CNTNAP2: variants seen among roughly 807,000 people sequenced by gnomAD.
The protein encoded by CNTNAP2 is contactin associated protein 2.
CNTNAP2 carries 98 observed loss-of-function variants against 155.2 expected under a neutral mutation model. The observed-to-expected ratio is 0.63, with a 90% CI of 0.54 to 0.75. The LOEUF (loss-of-function observed/expected upper bound fraction) is 0.75. Ranked by LOEUF, CNTNAP2 falls within the 30% of genes least tolerant of loss-of-function variation. The pLI is 0.00. For synonymous variants in CNTNAP2, 651 were observed against 631.2 expected (o/e 1.03, Z -0.47); for missense variants, 1,727 against 1,688.1 (o/e 1.02, Z -0.40).
chr7:147,871,787 C>T (rs910007649), intron 13 of CNTNAP2, among the ~76,000 whole-genome samples: 28 of 151,946 alleles, frequency 1.8e-4, no homozygotes, highest in African/African-American at 5.8e-4. Context: ...GAGTCGTGGC[C>T]GAATAGTTCG....
chr7:147,339,547 C>G (rs898475409), intron 9 of CNTNAP2, among the ~76,000 whole-genome samples: 1 of 152,138 alleles, frequency 6.6e-6, no homozygotes, highest in Non-Finnish European at 1.5e-5. Context: ...ATAAATTACT[C>G]AGCCTCAGGT....
At chr7:146,777,700 A>G (rs1802414146) in intron 2 of CNTNAP2, among the ~76,000 whole-genome samples, 1 of 151,940 alleles carries the variant, frequency 6.6e-6, no homozygotes, top group Admixed American at 6.6e-5. Context: ...AGTAGCTGGG[A>G]TTACAGGAGA....
chr7:148,094,934 C>G (rs949497269), intron 15 of CNTNAP2, among the ~76,000 whole-genome samples: 1 of 152,064 alleles, frequency 6.6e-6, no homozygotes, highest in Non-Finnish European at 1.5e-5. Context: ...GAGAAGAGCA[C>G]AGTGGCATAG....
intron 13 of CNTNAP2, among the ~76,000 whole-genome samples, chr7:147,851,452 G>A (rs370577103): frequency 2.0e-5 from 3 of 151,958 alleles, no homozygotes; most frequent in African/African-American, 2.4e-5. Context: ...AAATCATGCT[G>A]CTATAAAGAC....
chr7:146,468,504 A>C (rs2129126094), intron 1 of CNTNAP2, among the ~76,000 whole-genome samples: 1 of 152,288 alleles, frequency 6.6e-6, no homozygotes, highest in Admixed American at 6.5e-5. Flanking sequence ...AGAGTGTACA[A>C]CCCAGTCTAA....
intron 17 of CNTNAP2, among the ~76,000 whole-genome samples, chr7:148,155,648 G>T (rs1805386349): frequency 6.6e-6 from 1 of 152,170 alleles, no homozygotes; most frequent in South Asian, 2.1e-4. Flanking sequence ...CCATTCCTGG[G>T]TTGTAAAACT....
Position 146,483,285 on chromosome 7 carries a change from ATATATATATATATATATATATATATATAT to A in CNTNAP2, c.98-290985_98-290957del, listed in dbSNP as rs1796998155. Among the ~76,000 whole-genome samples, 106 of 47,218 alleles carry A rather than the reference ATATATATATATATATATATATATATATAT, an allele frequency of 2.2e-3. 11 individuals are homozygous for A. In the East Asian group the frequency reaches 0.027, roughly 12 times the overall value. The allele number at this position is 47,218 out of a possible 152,430, so 31.0% of individuals were successfully genotyped here. A position where few individuals can be genotyped will look rare whatever the true frequency, so the allele number is the denominator to read the frequency against. ...AGCAAGACTCCGTCTAAAAAAAAAT[ATATATATATATATATATATATATATATAT>A]ATATATATATATATACATATATATA... On this transcript the variant is annotated intron_variant, in intron 1 of 23. Coordinates refer to ENST00000361727, the MANE Select transcript of CNTNAP2 (RefSeq NM_014141.6).
chr7:147,488,369 T>A (rs554681809), intron 11 of CNTNAP2, among the ~76,000 whole-genome samples: 5 of 152,320 alleles, frequency 3.3e-5, no homozygotes, highest in African/African-American at 1.2e-4. Context: ...TCTTGCACTT[T>A]GTTCGACTGA....
intron 11 of CNTNAP2, among the ~76,000 whole-genome samples, chr7:147,549,716 G>A (rs1799812999): frequency 6.6e-6 from 1 of 152,172 alleles, no homozygotes; most frequent in Admixed American, 6.5e-5. Context: ...TCTGGTATAA[G>A]GGATGAGTCA....
chr7:146,404,101 G>A (rs1795753399), intron 1 of CNTNAP2, among the ~76,000 whole-genome samples: 1 of 128,298 alleles, frequency 7.8e-6, no homozygotes, highest in Admixed American at 9.2e-5. Context: ...CTCCAGCCTG[G>A]GCGACAGAGC....
chr7:146,338,888 A>G (rs565701187), intron 1 of CNTNAP2, among the ~76,000 whole-genome samples: 1 of 118,994 alleles, frequency 8.4e-6, no homozygotes, highest in Non-Finnish European at 1.6e-5. Context: ...TTTTTTTTTT[A>G]AAAAAGGTTT....
At chr7:146,280,401 T>C (rs1188147399) in intron 1 of CNTNAP2, among the ~76,000 whole-genome samples, 1 of 152,152 alleles carries the variant, frequency 6.6e-6, no homozygotes, top group Non-Finnish European at 1.5e-5. Context: ...GTGTCTGCCC[T>C]TTTTTCACGT....
At chr7:148,353,848 A>G (rs1221704592) in intron 21 of CNTNAP2, among the ~76,000 whole-genome samples, 1 of 152,208 alleles carries the variant, frequency 6.6e-6, no homozygotes, top group Non-Finnish European at 1.5e-5. Context: ...AGTTGATTCA[A>G]AAAGTCAAAA....
At chr7:146,621,226 GAA>G (rs1338976203) in intron 1 of CNTNAP2, among the ~76,000 whole-genome samples, 1 of 152,104 alleles carries the variant, frequency 6.6e-6, no homozygotes, top group Non-Finnish European at 1.5e-5. Flanking sequence ...TAGATTTACA[GAA>G]AAGTTGGGGA....
intron 1 of CNTNAP2, among the ~76,000 whole-genome samples, chr7:146,371,365 G>GTTTT (rs58066282): frequency 0.05 from 4,960 of 98,476 alleles, 600 homozygotes; most frequent in African/African-American, 0.13. Flanking sequence ...GCCAGTATTA[G>GTTTT]TTTTTTTTTT....
intron 3 of CNTNAP2, among the ~76,000 whole-genome samples, chr7:146,988,029 G>T (rs1276844201): frequency 1.3e-5 from 2 of 151,960 alleles, no homozygotes; most frequent in Admixed American, 6.6e-5. Context: ...ATTTTCTCAC[G>T]AAAGGCCTCT....
chr7:146,151,633 G>T (rs149868202), intron 1 of CNTNAP2, among the ~76,000 whole-genome samples: 2,396 of 86,318 alleles, frequency 0.028, 74 homozygotes, highest in Middle Eastern at 0.07. Context: ...CAAAGAAAAC[G>T]TGATATATAT....
chr7:146,444,945 C>T (rs1718097), intron 1 of CNTNAP2, among the ~76,000 whole-genome samples: 5,407 of 149,958 alleles, frequency 0.036, 343 homozygotes, highest in African/African-American at 0.12. Context: ...GCATGAGCCA[C>T]CCACCGAGAC....
intron 12 of CNTNAP2, among the ~76,000 whole-genome samples, chr7:147,633,519 T>C (rs1795125087): frequency 1.3e-5 from 2 of 152,118 alleles, no homozygotes; most frequent in South Asian, 4.1e-4. Flanking sequence ...TTTTGAATTG[T>C]GAGGTCATGA....
Sources: gnomAD v4.1 joint callset for allele counts (sites outside exome capture counted in the v4.1 genomes callset) on GRCh38, gnomAD v4.1.1 for gene constraint, MANE v1.5 for transcripts, NCBI Gene and HGNC (gene_info 2026-07-23, HGNC 2026-07-21) for gene names.